MIA2: variants seen among roughly 807,000 people sequenced by gnomAD.
The protein encoded by MIA2 is melanoma inhibitory activity protein 2.
MIA2 carries 127 observed loss-of-function variants against 167.8 expected under a neutral mutation model. The ratio of observed to expected loss-of-function variants is 0.76; its 90% CI spans 0.66 to 0.88. MIA2 has a LOEUF of 0.88. Among genes scored for constraint, MIA2 ranks in the 40% least tolerant of loss-of-function variants. The pLI is 0.00. For missense variants in MIA2, 1,690 were observed against 1,624.7 expected, an observed-to-expected ratio of 1.04 and a Z score of -0.69; for synonymous variants, 552 against 541.9, an observed-to-expected ratio of 1.02 and a Z score of -0.26.
At chr14:39,263,922 A>C (rs115079503) in intron 6 of MIA2, among the ~76,000 whole-genome samples, 3,034 of 152,126 alleles carry the variant, frequency 0.02, 107 homozygotes, top group African/African-American at 0.067. Flanking sequence ...GTGTGAGCCA[A>C]CCACGCCCAG....
intron 25 of MIA2, among the ~76,000 whole-genome samples, chr14:39,335,284 ATAAC>A (rs575822993): frequency 4.7e-4 from 71 of 152,320 alleles, no homozygotes; most frequent in African/African-American, 1.2e-3. Context: ...GACAACTAAA[ATAAC>A]TAAGTTTCTG....
chr14:39,342,494 C>T (rs1165120211), intron 25 of MIA2, among the ~76,000 whole-genome samples: 1 of 151,948 alleles, frequency 6.6e-6, no homozygotes, highest in Non-Finnish European at 1.5e-5. Context: ...GTCTTTATAG[C>T]AGCATGATTT....
chr14:39,293,025 C>G (rs2060939944), intron 10 of MIA2, among the ~76,000 whole-genome samples: 1 of 152,110 alleles, frequency 6.6e-6, no homozygotes, highest in South Asian at 2.1e-4. Flanking sequence ...TTTCTCACTG[C>G]AGTGGCATAG....
At position 39,302,260 on chromosome 14, in the gene MIA2, A is replaced by G. The variant is rs778194177; in HGVS notation, c.2740+11A>G. On this transcript the variant is annotated intron_variant, in intron 15 of 28. Transcript: ENST00000640607. ...ATGGTGCTTACTTAGGTATTAAGTC[A>G]TGACTCATCTCCTTTTGCTAAAATG... 19 of 1,612,484 alleles carry G rather than the reference A, an allele frequency of 1.2e-5. 1 individual carries two copies. In the South Asian group the frequency reaches 1.8e-4, roughly 15 times the overall value.
At chr14:39,363,076 A>G (rs374099268) in intron 23 of MIA2, among the ~76,000 whole-genome samples, 1 of 152,152 alleles carries the variant, frequency 6.6e-6, no homozygotes, top group Non-Finnish European at 1.5e-5. Context: ...TTCTGATAAG[A>G]TATTTGGTAT....
chr14:39,313,637 A>T (rs2064768143), intron 19 of MIA2, among the ~76,000 whole-genome samples, 196 bp downstream of exon 19: 1 of 152,194 alleles, frequency 6.6e-6, no homozygotes, highest in Admixed American at 6.5e-5. Flanking sequence ...TATACAGAAA[A>T]TATAAAGAGG....
chr14:39,270,116 C>A (rs2056858767), intron 6 of MIA2, among the ~76,000 whole-genome samples: 1 of 152,086 alleles, frequency 6.6e-6, no homozygotes, highest in African/African-American at 2.4e-5. Context: ...GCATTCTCTC[C>A]AACGCTTGTG....
At chr14:39,267,475 G>GC in intron 6 of MIA2, 1 of 1,613,204 alleles carries the variant, frequency 6.2e-7, no homozygotes, top group Non-Finnish European at 8.5e-7. Context: ...GGAGCCCGGG[G>GC]TTACCCCTCA....
intron 21 of MIA2, 101 bp downstream of exon 21, chr14:39,315,819 A>C (rs1222162465): frequency 2.6e-6 from 2 of 775,746 alleles, no homozygotes; most frequent in South Asian, 2.0e-5. Flanking sequence ...ATAGTATTCT[A>C]AAAAATCAGT....
Position 39,239,953 on chromosome 14 carries a change from C to T in MIA2, c.250-608C>T, listed in dbSNP as rs557066869. Among the ~76,000 whole-genome samples the T allele has an allele frequency of 1.1e-4, 16 of 152,246 alleles. No individual in the cohort carries two copies. In the South Asian group the frequency reaches 2.5e-3, roughly 24 times the overall value. On this transcript the variant is annotated intron_variant, in intron 2 of 28. Coordinates refer to ENST00000640607, the MANE Select transcript of MIA2 (RefSeq NM_001329214.4). Reference sequence around the variant, plus strand: ...AAAACTTTAACAGGGTTAGGAAATGCGCTGAGGGTGGATGGGTAAGCCTTC... The same window carrying T: ...AAAACTTTAACAGGGTTAGGAAATGTGCTGAGGGTGGATGGGTAAGCCTTC...
chr14:39,259,678 G>A (rs2054989664), intron 6 of MIA2, among the ~76,000 whole-genome samples: 2 of 144,224 alleles, frequency 1.4e-5, no homozygotes, highest in Non-Finnish European at 3.0e-5. Flanking sequence ...TTACAGGCAT[G>A]TGCCACCATG....
At chr14:39,382,386 C>A (rs914553305) in intron 23 of MIA2, among the ~76,000 whole-genome samples, 5 of 152,288 alleles carry the variant, frequency 3.3e-5, no homozygotes, top group Admixed American at 6.5e-5. Flanking sequence ...ATTTGTAAAC[C>A]AAAAAGTTCC....
At chr14:39,354,520 T>G (rs543548014), downstream of MIA2, among the ~76,000 whole-genome samples, 18 of 152,162 alleles carry the variant, frequency 1.2e-4, no homozygotes, top group Non-Finnish European at 2.6e-4. Context: ...TGCCTGTTTA[T>G]TCTGATGGTA....
chr14:39,321,084 C>T (rs768061370), intron 24 of MIA2, 28 bp downstream of exon 24: 1 of 1,584,272 alleles, frequency 6.3e-7, no homozygotes, highest in East Asian at 2.2e-5. Context: ...CTTTATTACT[C>T]TAGATTTCTT....
intron 2 of MIA2, chr14:39,237,370 T>C (rs1402640932): frequency 5.6e-5 from 18 of 321,554 alleles, no homozygotes; most frequent in South Asian, 4.4e-4. Flanking sequence ...TAAAGTAATC[T>C]GCCTGCTTCG....
intron 27 of MIA2, 88 bp from the exon 28 acceptor site, chr14:39,348,655 C>A: frequency 2.6e-6 from 4 of 1,532,660 alleles, no homozygotes; most frequent in Non-Finnish European, 3.6e-6. Context: ...TGCTTTCTGT[C>A]TAGATGATTT....
intron 7 of MIA2, among the ~76,000 whole-genome samples, chr14:39,277,377 T>G (rs992391658): frequency 6.6e-6 from 1 of 151,236 alleles, no homozygotes; most frequent in African/African-American, 2.4e-5. Flanking sequence ...AATACAAAAA[T>G]TAGCTGGACA....
downstream of MIA2, among the ~76,000 whole-genome samples, chr14:39,355,484 C>T (rs1014918976): frequency 1.3e-5 from 2 of 152,178 alleles, no homozygotes; most frequent in Non-Finnish European, 1.5e-5. Context: ...GATATACAAT[C>T]ATGTCCCCTG....
chr14:39,326,939 C>T lies in MIA2; in HGVS notation c.3572C>T (p.Thr1191Ile), dbSNP rs2067684433. 1.3e-6 allele frequency: 2 copies of T among 1,597,594 alleles called. No individual in the cohort carries two copies. The highest frequency in any genetic ancestry group is 2.7e-5 in the African/African-American group (2 of 73,844). ...ERGESSCDRL[T>I]DPHRAPSDTG... The stretch of plus-strand genomic sequence containing the variant: ...GGAGAATCAAGCTGTGATAGGTTAA[C>T]CGATCCTCATAGGGCTCCCTCTGAC... The change falls in exon 25 of 29, where the codon ACC (threonine) becomes ATC (isoleucine). Residue 1191 changes from threonine to isoleucine, a missense_variant. Coordinates refer to ENST00000640607, the MANE Select transcript of MIA2 (RefSeq NM_001329214.4).
Sources: allele counts gnomAD v4.1 joint callset (sites outside exome capture counted in the v4.1 genomes callset), GRCh38; gene constraint gnomAD v4.1.1; transcripts MANE v1.5; gene names NCBI Gene and HGNC (gene_info 2026-07-23, HGNC 2026-07-21).